Variants in MIPOL1 observed in about 807,000 individuals in gnomAD.
MIPOL1 encodes mirror-image polydactyly gene 1 protein.
A neutral mutation model predicts 60.9 loss-of-function variants in MIPOL1; 57 were observed. That is an observed-to-expected ratio of 0.94 (90% CI 0.76 to 1.17). The LOEUF (loss-of-function observed/expected upper bound fraction) is 1.17, where lower values mean the gene tolerates loss of function less well. Among genes scored for constraint, MIPOL1 ranks in the 50% most tolerant of loss-of-function variants. The pLI is 0.00. For missense variants in MIPOL1, 551 were observed against 511.6 expected, an observed-to-expected ratio of 1.08 and a Z score of -0.74; for synonymous variants, 179 against 168.8, an observed-to-expected ratio of 1.06 and a Z score of -0.47.
chr14:37,231,517 G>A (rs1204313272), intron 1 of MIPOL1, among the ~76,000 whole-genome samples: 1 of 152,098 alleles, frequency 6.6e-6, no homozygotes, highest in East Asian at 1.9e-4. Context: ...TTGATACTAA[G>A]GCTAATAGAT....
chr14:37,434,038 G>T (rs941202077), intron 11 of MIPOL1, among the ~76,000 whole-genome samples: 1 of 152,140 alleles, frequency 6.6e-6, no homozygotes, highest in African/African-American at 2.4e-5. Flanking sequence ...AATCCTTTGG[G>T]TATATACCCA....
chr14:37,454,202 C>A (rs1247364059), intron 11 of MIPOL1, among the ~76,000 whole-genome samples: 1 of 152,150 alleles, frequency 6.6e-6, no homozygotes, highest in African/African-American at 2.4e-5. Context: ...CCTGTGTGCC[C>A]TCTGACCAGA....
intron 9 of MIPOL1, among the ~76,000 whole-genome samples, chr14:37,332,495 A>G (rs2089783899): frequency 6.6e-6 from 1 of 152,146 alleles, no homozygotes; most frequent in African/African-American, 2.4e-5. Context: ...TGGAAGTCTT[A>G]CCTTTAACAA....
At chr14:37,377,992 G>C (rs1356494476) in intron 10 of MIPOL1, among the ~76,000 whole-genome samples, 1 of 151,720 alleles carries the variant, frequency 6.6e-6, no homozygotes, top group South Asian at 2.1e-4. Context: ...ATCATAATGA[G>C]ATATCATGTC....
rs1018476677 is a variant in MIPOL1 at position 37,198,065 on chromosome 14, C to G, written c.-238C>G. ...CTCGGCCTGAGAAACTCGGCAAGCG[C>G]GCAGTGTCGACTCCCCGGTCTATGC... On this transcript the variant is annotated 5_prime_UTR_variant, in exon 1 of 13. Coordinates refer to ENST00000684589, the MANE Select transcript of MIPOL1 (RefSeq NM_001388067.1). The G allele has an allele frequency of 6.6e-6, 1 of 152,292 alleles. No individual in the cohort carries two copies. The highest frequency in any genetic ancestry group is 6.5e-5 in the Admixed American group (1 of 15,288). 9.4% of individuals were successfully genotyped at this position (152,292 alleles called of 1,614,324 possible). A position where few individuals can be genotyped will look rare whatever the true frequency, so the allele number is the denominator to read the frequency against.
At chr14:37,481,277 T>C (rs1276121207) in intron 11 of MIPOL1, among the ~76,000 whole-genome samples, 1 of 152,062 alleles carries the variant, frequency 6.6e-6, no homozygotes, top group Non-Finnish European at 1.5e-5. Flanking sequence ...TTGCAATAGC[T>C]ACCCCCTAAA....
In MIPOL1 at chr14:37,459,330, T is replaced by C. The variant is rs189514073; in HGVS notation, c.1031+36381T>C. Among the ~76,000 whole-genome samples, 64 of 152,222 alleles carry C rather than the reference T, an allele frequency of 4.2e-4. 1 individual carries two copies. In the East Asian group the frequency reaches 0.012, roughly 28 times the overall value. On this transcript the variant is annotated intron_variant, in intron 11 of 12. Coordinates refer to ENST00000684589, the MANE Select transcript of MIPOL1 (RefSeq NM_001388067.1). ...ACATAAGTAAAATCAGAAATGATAA[T>C]GGTGACAATACAACTGATATCAAAA...
At chr14:37,348,048 C>G (rs4900820) in intron 9 of MIPOL1, among the ~76,000 whole-genome samples, 85,157 of 151,956 alleles carry the variant, frequency 0.56, 25,699 homozygotes, top group Non-Finnish European at 0.67. Context: ...TAGTTTTATA[C>G]CTCATTCGCC....
chr14:37,348,283 A>G lies in MIPOL1; in HGVS notation c.829-21234A>G, dbSNP rs144455805. 7.1e-4 allele frequency among the ~76,000 whole-genome samples: 108 copies of G among 152,344 alleles called. 2 individuals carry two copies. In the East Asian group the frequency reaches 0.017, roughly 24 times the overall value. ...ACTTTTAAAAACTGTACCTCTGAAA[A>G]AAAGCGTTCAGCCTGGAAGGAAAAC... On this transcript the variant is annotated intron_variant, in intron 9 of 12. Coordinates refer to ENST00000684589, the MANE Select transcript of MIPOL1 (RefSeq NM_001388067.1).
intron 7 of MIPOL1, among the ~76,000 whole-genome samples, chr14:37,304,425 T>A (rs2086611964): frequency 6.6e-6 from 1 of 151,808 alleles, no homozygotes; most frequent in Non-Finnish European, 1.5e-5. Flanking sequence ...ACGTTTGCAT[T>A]TGTATACTTC....
At chr14:37,425,767 G>A (rs531602852) in intron 11 of MIPOL1, among the ~76,000 whole-genome samples, 1 of 152,118 alleles carries the variant, frequency 6.6e-6, no homozygotes, top group East Asian at 1.9e-4. Flanking sequence ...AACCAAAGAA[G>A]ATTTCCCATA....
chr14:37,330,121 T>C (rs1330244849), intron 9 of MIPOL1, among the ~76,000 whole-genome samples: 1 of 152,154 alleles, frequency 6.6e-6, no homozygotes, highest in African/African-American at 2.4e-5. Flanking sequence ...GTGGTAATTT[T>C]ATAATTATCT....
At chr14:37,204,394 T>G (rs966921317) in intron 1 of MIPOL1, among the ~76,000 whole-genome samples, 2 of 152,158 alleles carry the variant, frequency 1.3e-5, no homozygotes, top group African/African-American at 4.8e-5. Flanking sequence ...TTTGCCTGTG[T>G]CCCCACGCAA....
intron 9 of MIPOL1, among the ~76,000 whole-genome samples, chr14:37,340,483 G>A (rs904384076): frequency 3.9e-5 from 6 of 152,112 alleles, no homozygotes; most frequent in African/African-American, 1.4e-4. Flanking sequence ...GGCCAAGTCG[G>A]ACGATCCCTT....
chr14:37,476,895 CTTTTTTTTTTTTT>C (rs869027204), intron 11 of MIPOL1, among the ~76,000 whole-genome samples: 2 of 87,340 alleles, frequency 2.3e-5, no homozygotes, highest in Admixed American at 2.8e-4. Context: ...CTTGTAATGT[CTTTTTTTTTTTTT>C]TTTTTTTTTT....
At chr14:37,341,740 C>T (rs987248272) in intron 9 of MIPOL1, among the ~76,000 whole-genome samples, 2 of 152,212 alleles carry the variant, frequency 1.3e-5, no homozygotes, top group African/African-American at 4.8e-5. Flanking sequence ...GCCAACATCT[C>T]TAGCCCAAAG....
At chr14:37,498,300 T>C (rs548552078) in intron 11 of MIPOL1, among the ~76,000 whole-genome samples, 3 of 152,316 alleles carry the variant, frequency 2.0e-5, no homozygotes, top group African/African-American at 7.2e-5. Context: ...ATATGCACTT[T>C]GTGTAATTTA....
intron 10 of MIPOL1, among the ~76,000 whole-genome samples, chr14:37,377,286 A>C (rs566709307): frequency 6.6e-6 from 1 of 152,226 alleles, no homozygotes; most frequent in Non-Finnish European, 1.5e-5. Flanking sequence ...GTAGGGGAGG[A>C]GGAAAGAGGG....
chr14:37,445,757 G>T (rs1031741789), intron 11 of MIPOL1, among the ~76,000 whole-genome samples: 6 of 151,928 alleles, frequency 3.9e-5, no homozygotes, highest in Non-Finnish European at 1.5e-5. Context: ...AGAGCCCTCA[G>T]AAATAACACC....
Sources: allele counts gnomAD v4.1 joint callset (sites outside exome capture counted in the v4.1 genomes callset), GRCh38; gene constraint gnomAD v4.1.1; transcripts MANE v1.5; gene names NCBI Gene and HGNC (gene_info 2026-07-23, HGNC 2026-07-21).